DTNB: variants seen among roughly 807,000 people sequenced by gnomAD.
DTNB encodes the protein dystrobrevin beta, also known as DTN-B.
A neutral mutation model predicts 90.7 loss-of-function variants in DTNB; 63 were observed. That is an observed-to-expected ratio of 0.69 (90% confidence interval 0.57 to 0.86). The LOEUF is 0.86. Among genes scored for constraint, DTNB ranks in the 40% least tolerant of loss-of-function variants. DTNB has a pLI of 0.00. For missense variants in DTNB, 744 were observed against 807.1 expected, an observed-to-expected ratio of 0.92 and a Z score of 0.95; for synonymous variants, 277 against 286.7, an observed-to-expected ratio of 0.97 and a Z score of 0.34.
intron 11 of DTNB, 51 bp from the exon 12 acceptor site, chr2:25,451,686 T>C: frequency 6.9e-7 from 1 of 1,450,338 alleles, no homozygotes; most frequent in Non-Finnish European, 9.2e-7. Flanking sequence ...TCCCTTATTC[T>C]TGTTCCATTC....
At chr2:25,664,545 G>T (rs1327738417) in intron 1 of DTNB, among the ~76,000 whole-genome samples, 1 of 152,166 alleles carries the variant, frequency 6.6e-6, no homozygotes, top group East Asian at 1.9e-4. Context: ...GTACGTGACA[G>T]ACATCATCAG....
At chr2:25,386,240 TG>T in intron 18 of DTNB, 1 of 376,944 alleles carries the variant, frequency 2.7e-6, no homozygotes, top group Non-Finnish European at 3.7e-6. Flanking sequence ...AGAGCAGAGC[TG>T]GGGGCTCTGT....
intron 8 of DTNB, among the ~76,000 whole-genome samples, chr2:25,556,170 C>CTT (rs60714399): frequency 0.015 from 1,558 of 105,392 alleles, 67 homozygotes; most frequent in African/African-American, 0.042. Context: ...GGCCATCTCT[C>CTT]TTTTTTTTTT....
intron 16 of DTNB, among the ~76,000 whole-genome samples, chr2:25,398,641 A>G (rs925736882): frequency 1.3e-5 from 2 of 152,160 alleles, no homozygotes; most frequent in African/African-American, 4.8e-5. Context: ...GGTTTTGACA[A>G]AAAAGCAAAA....
At chr2:25,428,420 G>A (rs2052613404) in intron 14 of DTNB, among the ~76,000 whole-genome samples, 1 of 150,684 alleles carries the variant, frequency 6.6e-6, no homozygotes, top group South Asian at 2.1e-4. Context: ...CTCCTTATGT[G>A]ATTAATCCTG....
At chr2:25,649,289 G>A (rs1464193447) in intron 2 of DTNB, among the ~76,000 whole-genome samples, 1 of 152,102 alleles carries the variant, frequency 6.6e-6, no homozygotes, top group East Asian at 1.9e-4. Flanking sequence ...ATAGGCGTGA[G>A]CCACCACACC....
At chr2:25,398,695 C>T (rs1230977280) in intron 16 of DTNB, among the ~76,000 whole-genome samples, 1 of 152,118 alleles carries the variant, frequency 6.6e-6, no homozygotes, top group Non-Finnish European at 1.5e-5. Flanking sequence ...GGACTCTGCT[C>T]TCTCTTGCCA....
intron 2 of DTNB, among the ~76,000 whole-genome samples, chr2:25,648,094 C>T (rs1187936658): frequency 6.6e-6 from 1 of 152,088 alleles, no homozygotes; most frequent in East Asian, 1.9e-4. Context: ...AGCATGGAGG[C>T]CTGGTATCAA....
At chr2:25,534,757 G>A (rs1437258735) in intron 8 of DTNB, among the ~76,000 whole-genome samples, 1 of 150,424 alleles carries the variant, frequency 6.6e-6, no homozygotes, top group Non-Finnish European at 1.5e-5. Flanking sequence ...GCCGGGCAGA[G>A]GCGCTCCTCA....
At chr2:25,585,352 CCAT>C (rs1018362198) in intron 6 of DTNB, among the ~76,000 whole-genome samples, 7 of 152,308 alleles carry the variant, frequency 4.6e-5, no homozygotes, top group African/African-American at 1.4e-4. Context: ...AGCGAAACCA[CCAT>C]GATTTATGCC....
intron 15 of DTNB, among the ~76,000 whole-genome samples, chr2:25,423,160 G>T (rs1216005569): frequency 2.0e-5 from 3 of 152,088 alleles, no homozygotes; most frequent in Non-Finnish European, 4.4e-5. Flanking sequence ...TTGTGCCACT[G>T]CACCCCAGCC....
chr2:25,419,622 C>A, intron 15 of DTNB, 87 bp from the exon 16 acceptor site: 3 of 1,501,512 alleles, frequency 2.0e-6, no homozygotes, highest in South Asian at 2.5e-5. Context: ...AAACATTGGT[C>A]AGAAATGATA....
chr2:25,500,757 A>T (rs1028799018), intron 9 of DTNB, among the ~76,000 whole-genome samples: 21 of 152,250 alleles, frequency 1.4e-4, no homozygotes, highest in East Asian at 1.9e-4. Flanking sequence ...AGATATAAAC[A>T]TAAATTAATG....
intron 9 of DTNB, among the ~76,000 whole-genome samples, chr2:25,511,879 T>C (rs1465376151): frequency 2.0e-5 from 3 of 151,586 alleles, no homozygotes; most frequent in Non-Finnish European, 2.9e-5. Flanking sequence ...TTATATAGAA[T>C]TAAACATGAG....
chr2:25,528,596 G>A (rs955884245), intron 9 of DTNB, among the ~76,000 whole-genome samples: 2 of 152,118 alleles, frequency 1.3e-5, no homozygotes, highest in African/African-American at 4.8e-5. Context: ...ATAGACAGTG[G>A]ACTAAAATAC....
At chr2:25,492,777 G>A (rs1313750276) in intron 9 of DTNB, among the ~76,000 whole-genome samples, 1 of 152,116 alleles carries the variant, frequency 6.6e-6, no homozygotes, top group Non-Finnish European at 1.5e-5. Flanking sequence ...TTGAGCCTGG[G>A]AGACTGAGGC....
At chr2:25,639,926 A>G (rs1191360570) in intron 2 of DTNB, among the ~76,000 whole-genome samples, 4 of 152,230 alleles carry the variant, frequency 2.6e-5, no homozygotes, top group Non-Finnish European at 4.4e-5. Context: ...TGAGTCCACC[A>G]ACCAAACCAG....
chr2:25,411,406 G>C (rs561681040), intron 16 of DTNB, among the ~76,000 whole-genome samples: 2 of 151,866 alleles, frequency 1.3e-5, no homozygotes, highest in South Asian at 4.2e-4. Context: ...TAGTATTATA[G>C]TGATATTTCC....
Position 25,634,319 on chromosome 2 carries a change from G to A in DTNB, c.148+4695C>T, listed in dbSNP as rs1312978705. On this transcript the variant is annotated intron_variant, in intron 3 of 20. Coordinates refer to ENST00000406818, the MANE Select transcript of DTNB (RefSeq NM_021907.5). ...AGCCCCCCGCCCGGCCAGCCGCCCC[G>A]TCCGGGAGGGAGGTGGGGGGGTCAG... Among the ~76,000 whole-genome samples the A allele has an allele frequency of 1.2e-4, 14 of 119,280 alleles. No homozygotes were observed. In the East Asian group the frequency reaches 1.8e-3, roughly 16 times the overall value. The allele number at this position is 119,280 out of a possible 152,430, so 78.3% of individuals were successfully genotyped here.
Sources: allele counts gnomAD v4.1 joint callset (sites outside exome capture counted in the v4.1 genomes callset), GRCh38; gene constraint gnomAD v4.1.1; transcripts MANE v1.5; gene names NCBI Gene and HGNC (gene_info 2026-07-23, HGNC 2026-07-21).